NCAM2: variants seen among roughly 807,000 people sequenced by gnomAD.
The protein encoded by NCAM2 is neural cell adhesion molecule 2.
Under a neutral mutation model 98.1 loss-of-function variants are expected in NCAM2, and 30 were observed. The ratio of observed to expected loss-of-function variants is 0.31; its 90% CI spans 0.23 to 0.41. NCAM2 has a LOEUF of 0.41. Ranked by LOEUF, NCAM2 falls within the 10% of genes least tolerant of loss-of-function variation. NCAM2 has a pLI of 1.00. For synonymous variants in NCAM2, 368 were observed against 342.4 expected, an observed-to-expected ratio of 1.07 and a Z score of -0.83; for missense variants, 867 against 1,005.8, an observed-to-expected ratio of 0.86 and a Z score of 1.87.
chr21:21,498,560 G>A (rs961932614), intron 15 of NCAM2, among the ~76,000 whole-genome samples: 6 of 152,136 alleles, frequency 3.9e-5, no homozygotes, highest in East Asian at 1.9e-4. Context: ...TGATGACTGC[G>A]AACTTGAGTG....
intron 1 of NCAM2, among the ~76,000 whole-genome samples, chr21:21,040,217 AAG>A (rs2064876566): frequency 6.6e-6 from 1 of 152,120 alleles, no homozygotes; most frequent in African/African-American, 2.4e-5. Context: ...TTTCCTTTTG[AAG>A]ATACTGATGC....
chr21:21,426,905 A>G (rs2077225935), intron 11 of NCAM2, among the ~76,000 whole-genome samples: 1 of 152,212 alleles, frequency 6.6e-6, no homozygotes, highest in South Asian at 2.1e-4. Context: ...TAAATCGTAT[A>G]ATTTGACTCT....
intron 17 of NCAM2, among the ~76,000 whole-genome samples, chr21:21,537,472 C>T (rs958869432): frequency 1.3e-5 from 2 of 152,136 alleles, no homozygotes; most frequent in Non-Finnish European, 2.9e-5. Context: ...CCTTCCATAA[C>T]ATGTAATTAT....
At chr21:21,093,317 A>G (rs1211920028) in intron 1 of NCAM2, among the ~76,000 whole-genome samples, 1 of 152,032 alleles carries the variant, frequency 6.6e-6, no homozygotes, top group Non-Finnish European at 1.5e-5. Flanking sequence ...TAGGGATCCC[A>G]GTTACAGATG....
chr21:21,102,600 G>A (rs558080107), intron 1 of NCAM2, among the ~76,000 whole-genome samples: 11 of 152,014 alleles, frequency 7.2e-5, no homozygotes, highest in Admixed American at 3.3e-4. Context: ...TTAACTATGC[G>A]TAAAGCTCTG....
chr21:21,381,269 C>G (rs1337718932), intron 9 of NCAM2, among the ~76,000 whole-genome samples: 2 of 152,108 alleles, frequency 1.3e-5, no homozygotes, highest in African/African-American at 4.8e-5. Flanking sequence ...ATAAAAGAAG[C>G]CCTTGGGCAA....
intron 1 of NCAM2, among the ~76,000 whole-genome samples, chr21:21,252,887 C>T (rs1350285269): frequency 1.3e-5 from 2 of 152,072 alleles, no homozygotes; most frequent in African/African-American, 2.4e-5. Flanking sequence ...TTTTATGTCT[C>T]ACATATATAT....
intron 12 of NCAM2, among the ~76,000 whole-genome samples, chr21:21,447,095 A>G (rs1169312524): frequency 6.6e-6 from 1 of 152,076 alleles, no homozygotes; most frequent in Non-Finnish European, 1.5e-5. Flanking sequence ...TATAACCAAG[A>G]CAATCCTAAG....
intron 1 of NCAM2, among the ~76,000 whole-genome samples, chr21:21,255,447 G>C (rs2071631805): frequency 6.6e-6 from 1 of 152,210 alleles, no homozygotes; most frequent in South Asian, 2.1e-4. Flanking sequence ...ACCATTGCCA[G>C]GTGGAAGTAA....
intron 1 of NCAM2, among the ~76,000 whole-genome samples, chr21:21,168,151 A>G (rs1443013087): frequency 1.3e-5 from 2 of 152,114 alleles, no homozygotes; most frequent in African/African-American, 2.4e-5. Context: ...CTGGTTCAAC[A>G]TTTGAAAATC....
chr21:21,118,755 A>G (rs2066614078), intron 1 of NCAM2, among the ~76,000 whole-genome samples: 1 of 151,792 alleles, frequency 6.6e-6, no homozygotes, highest in Non-Finnish European at 1.5e-5. Flanking sequence ...CTCAACACAC[A>G]TATTATTTTA....
At chr21:21,344,363 C>T (rs2075130855) in intron 8 of NCAM2, among the ~76,000 whole-genome samples, 1 of 152,128 alleles carries the variant, frequency 6.6e-6, no homozygotes, top group African/African-American at 2.4e-5. Context: ...CAGGACCTTA[C>T]TCTTGCATGC....
chr21:21,390,962 A>C (rs1032798874), intron 9 of NCAM2, among the ~76,000 whole-genome samples: 1 of 152,210 alleles, frequency 6.6e-6, no homozygotes, highest in Non-Finnish European at 1.5e-5. Flanking sequence ...TGATAAGAAA[A>C]ACAAACAATA....
intron 1 of NCAM2, among the ~76,000 whole-genome samples, chr21:21,249,726 TAG>T (rs2071408036): frequency 1.3e-5 from 2 of 152,076 alleles, no homozygotes; most frequent in Non-Finnish European, 2.9e-5. Flanking sequence ...AGGTCAATAA[TAG>T]AGTGTCCCTA....
intron 1 of NCAM2, among the ~76,000 whole-genome samples, chr21:21,005,673 C>T (rs2064097625): frequency 6.6e-6 from 1 of 151,902 alleles, no homozygotes; most frequent in African/African-American, 2.4e-5. Flanking sequence ...TGGGTAAAAT[C>T]TCAGAAGTAT....
At chr21:21,507,200 T>C (rs1290270629) in intron 15 of NCAM2, among the ~76,000 whole-genome samples, 1 of 152,186 alleles carries the variant, frequency 6.6e-6, no homozygotes, top group Non-Finnish European at 1.5e-5. Context: ...GTCGACCTGC[T>C]AGTGCTTGCT....
intron 1 of NCAM2, among the ~76,000 whole-genome samples, chr21:21,263,616 A>G (rs555226493): frequency 1.4e-3 from 207 of 152,278 alleles, no homozygotes; most frequent in Admixed American, 4.7e-3. Flanking sequence ...CTATACCACA[A>G]GAATATATAA....
chr21:21,147,182 G>A (rs1351649300), intron 1 of NCAM2: 1 of 972,354 alleles, frequency 1.0e-6, no homozygotes, highest in African/African-American at 1.9e-5. Context: ...TGGTACCGCT[G>A]CCTTCTACTT....
intron 1 of NCAM2, among the ~76,000 whole-genome samples, chr21:21,087,083 T>C (rs550278489): frequency 1.8e-3 from 277 of 151,016 alleles, no homozygotes; most frequent in African/African-American, 6.0e-3. Flanking sequence ...TGTGTGCGTG[T>C]GTGTGTGTGT....
Sources: gnomAD v4.1 joint callset for allele counts (sites outside exome capture counted in the v4.1 genomes callset) on GRCh38, gnomAD v4.1.1 for gene constraint, MANE v1.5 for transcripts, NCBI Gene and HGNC (gene_info 2026-07-23, HGNC 2026-07-21) for gene names.